Variants in RNF216 observed in about 807,000 individuals in gnomAD.
The protein encoded by RNF216 is ring finger protein 216, also known as E3 ubiquitin-protein ligase RNF216.
RNF216 carries 72 observed loss-of-function variants against 110.8 expected under a neutral mutation model. That is an observed-to-expected ratio of 0.65 (90% CI 0.54 to 0.79). RNF216 has a LOEUF of 0.79. Ranked by LOEUF, RNF216 falls within the 30% of genes least tolerant of loss-of-function variation. The pLI is 0.00. For synonymous variants in RNF216, 495 were observed against 407.5 expected (o/e 1.21, Z -2.59); for missense variants, 1,342 against 1,141.2 (o/e 1.18, Z -2.54).
intron 5 of RNF216, among the ~76,000 whole-genome samples, chr7:5,738,287 C>T (rs1330164407): frequency 2.0e-5 from 3 of 152,014 alleles, no homozygotes; most frequent in Non-Finnish European, 2.9e-5. Flanking sequence ...AGTGCAGTAG[C>T]GTAACACAGC....
In RNF216 at chr7:5,627,083, A is replaced by G. The variant is rs1307910708; in HGVS notation, c.2383-2958T>C. Among the ~76,000 whole-genome samples the G allele has an allele frequency of 4.6e-5, 7 of 152,298 alleles. No individual in the cohort carries two copies. The East Asian group carries it at 5.8e-4, about 13-fold the overall frequency. On this transcript the variant is annotated intron_variant, in intron 15 of 16. Transcript: ENST00000389902. The stretch of plus-strand genomic sequence containing the variant: ...GTTACACCATCAGTCCCCAAGGGAC[A>G]CTTATGGCCTTCGATGGCACAAGGG...
At chr7:5,773,285 T>C (rs2128682203) in intron 1 of RNF216, among the ~76,000 whole-genome samples, 1 of 151,678 alleles carries the variant, frequency 6.6e-6, no homozygotes, top group South Asian at 2.1e-4. Flanking sequence ...CACTGTCACC[T>C]GGGCTGGAGT....
At chr7:5,661,514 T>C (rs976699440) in intron 13 of RNF216, among the ~76,000 whole-genome samples, 4 of 152,166 alleles carry the variant, frequency 2.6e-5, no homozygotes, top group Admixed American at 6.5e-5. Context: ...TTTAAAAAAG[T>C]AAATACGGCT....
At chr7:5,654,567 A>C (rs927844273) in intron 13 of RNF216, among the ~76,000 whole-genome samples, 2 of 151,664 alleles carry the variant, frequency 1.3e-5, no homozygotes, top group African/African-American at 4.8e-5. Context: ...GGTGACTGTA[A>C]TCCCAGCTAC....
chr7:5,687,416 A>AAAAAG (rs1317085014), intron 13 of RNF216, among the ~76,000 whole-genome samples: 1 of 149,140 alleles, frequency 6.7e-6, no homozygotes, highest in Non-Finnish European at 1.5e-5. Flanking sequence ...AAAAAAAAAG[A>AAAAAG]AAAAGAAAAG....
At chr7:5,683,992 G>T (rs1426442668) in intron 13 of RNF216, among the ~76,000 whole-genome samples, 1 of 152,096 alleles carries the variant, frequency 6.6e-6, no homozygotes. Context: ...GGGTCTTGTG[G>T]CGGGATGTGT....
chr7:5,699,916 A>T (rs79603945), intron 13 of RNF216, among the ~76,000 whole-genome samples: 6,085 of 152,296 alleles, frequency 0.04, 177 homozygotes, highest in East Asian at 0.072. Context: ...GAGGAATAAA[A>T]GGCCTTTTAC....
rs1056993743 is a variant in RNF216 at position 5,620,633 on chromosome 7, C to G, written c.*2227G>C. 6.6e-6 allele frequency: 1 copy of G among 152,330 alleles called. No homozygotes were observed. Among genetic ancestry groups the G allele is most frequent in the African/African-American group, 2.4e-5 (1 of 41,468 alleles). 9.4% of individuals were successfully genotyped at this position (152,330 alleles called of 1,614,324 possible). ...GGCCGCCGCTCCTTCCCCACCAGCC[C>G]AGTGTGGCCAGAACAGCTGGAACTC... On this transcript the variant is annotated 3_prime_UTR_variant, in exon 17 of 17. Coordinates refer to ENST00000389902, the MANE Select transcript of RNF216 (RefSeq NM_207111.4).
Position 5,681,952 on chromosome 7 carries a change from C to CAT in RNF216, c.2062-29444_2062-29443dup, listed in dbSNP as rs571340729. On this transcript the variant is annotated intron_variant, in intron 13 of 16. Transcript: ENST00000389902. ...TTCTAAAGAATGCTACAAAGATGAC[C>CAT]ATCTCCCTGTGCCACAGCAACCTTA... Among the ~76,000 whole-genome samples, 22 of 152,280 alleles carry CAT rather than the reference C, an allele frequency of 1.4e-4. No homozygotes were observed. The South Asian group carries it at 2.1e-3, about 14-fold the overall frequency.
At chr7:5,661,215 C>T (rs548324862) in intron 13 of RNF216, among the ~76,000 whole-genome samples, 2 of 152,304 alleles carry the variant, frequency 1.3e-5, no homozygotes, top group South Asian at 4.1e-4. Context: ...GCTGGGATTA[C>T]AGGCATGAGC....
chr7:5,768,295 A>G (rs756155335), intron 1 of RNF216, among the ~76,000 whole-genome samples: 93 of 29,296 alleles, frequency 3.2e-3, no homozygotes, highest in Non-Finnish European at 5.0e-3. Flanking sequence ...TATTAGGGGG[A>G]AAAAAAAAAA....
chr7:5,655,641 C>T (rs547991134), intron 13 of RNF216, among the ~76,000 whole-genome samples: 3 of 151,862 alleles, frequency 2.0e-5, no homozygotes, highest in Non-Finnish European at 4.4e-5. Flanking sequence ...AAGACCAGAC[C>T]ATGTAGCTAG....
In RNF216 at chr7:5,630,838, T is replaced by C. The variant is rs549333616; in HGVS notation, c.2383-6713A>G. On this transcript the variant is annotated intron_variant, in intron 15 of 16. Coordinates refer to ENST00000389902, the MANE Select transcript of RNF216 (RefSeq NM_207111.4). ...CCCTGAGTCAGGCACTATGAACTGA[T>C]TGCCACGCTGCAGATGAGGAAACCC... Among the ~76,000 whole-genome samples, 18 of 152,254 alleles carry C rather than the reference T, an allele frequency of 1.2e-4. No individual in the cohort carries two copies. In the South Asian group the frequency reaches 1.5e-3, roughly 12 times the overall value.
intron 1 of RNF216, among the ~76,000 whole-genome samples, chr7:5,764,090 C>G (rs1796074184): frequency 6.6e-6 from 1 of 151,652 alleles, no homozygotes; most frequent in African/African-American, 2.4e-5. Context: ...ACTTGGGAGG[C>G]TGAGGCAGGA....
intron 13 of RNF216, among the ~76,000 whole-genome samples, chr7:5,667,496 G>A (rs184753977): frequency 4.6e-5 from 7 of 152,310 alleles, no homozygotes; most frequent in South Asian, 4.1e-4. Context: ...AACAATGCCC[G>A]GGAACCAGGG....
intron 13 of RNF216, among the ~76,000 whole-genome samples, chr7:5,687,394 C>CAAAAAAAA (rs372177142): frequency 1.4e-4 from 7 of 49,874 alleles, no homozygotes; most frequent in African/African-American, 3.1e-4. Context: ...AACTCCACCT[C>CAAAAAAAA]AAAAAAAAAA....
intron 9 of RNF216, among the ~76,000 whole-genome samples, chr7:5,720,368 A>G (rs1351473185): frequency 6.6e-6 from 1 of 152,030 alleles, no homozygotes; most frequent in African/African-American, 2.4e-5. Flanking sequence ...TTTCCTTCTC[A>G]TTTTCTTAAT....
At chr7:5,702,096 A>G (rs1443934091) in intron 13 of RNF216, among the ~76,000 whole-genome samples, 1 of 152,020 alleles carries the variant, frequency 6.6e-6, no homozygotes, top group East Asian at 1.9e-4. Context: ...GCCCACGCTG[A>G]CTCTAGACTT....
In RNF216 at chr7:5,701,771, A is replaced by C. The variant is rs1223992864; in HGVS notation, c.2061+9990T>G. 3.9e-5 allele frequency among the ~76,000 whole-genome samples: 6 copies of C among 152,326 alleles called. No individual in the cohort carries two copies. In the South Asian group the frequency reaches 1.0e-3, roughly 26 times the overall value. On this transcript the variant is annotated intron_variant, in intron 13 of 16. Coordinates refer to ENST00000389902, the MANE Select transcript of RNF216 (RefSeq NM_207111.4). The stretch of plus-strand genomic sequence containing the variant: ...ATTTCACTGCCATTCATGGCCTCAC[A>C]GCACCCAGTGCTGTGCAGAGCTGCA...
Sources: allele counts gnomAD v4.1 joint callset (sites outside exome capture counted in the v4.1 genomes callset), GRCh38; gene constraint gnomAD v4.1.1; transcripts MANE v1.5; gene names NCBI Gene and HGNC (gene_info 2026-07-23, HGNC 2026-07-21).